FAM169A: variants seen among roughly 807,000 people sequenced by gnomAD.
FAM169A encodes soluble lamin-associated protein of 75 kDa.
A neutral mutation model predicts 75.7 loss-of-function variants in FAM169A; 24 were observed. The observed-to-expected ratio is 0.32, with a 90% CI of 0.23 to 0.45. The LOEUF is 0.45. Among genes scored for constraint, FAM169A ranks in the 20% least tolerant of loss-of-function variants. The pLI, the probability that FAM169A is intolerant of heterozygous loss-of-function variation, is 1.00. For missense variants in FAM169A, 673 were observed against 784.0 expected, an observed-to-expected ratio of 0.86 and a Z score of 1.69; for synonymous variants, 271 against 271.0, an observed-to-expected ratio of 1.00 and a Z score of 0.00.
At chr5:74,789,979 T>C (rs143876440) in intron 11 of FAM169A, among the ~76,000 whole-genome samples, 167 of 152,332 alleles carry the variant, frequency 1.1e-3, no homozygotes, top group African/African-American at 3.8e-3. Flanking sequence ...ACTGGGTGCT[T>C]TCTGACCCAT....
chr5:74,866,649 A>G (rs1750366660), upstream of FAM169A: 17 of 804,796 alleles, frequency 2.1e-5, no homozygotes, highest in African/African-American at 1.7e-4. Context: ...GCTCAGGGCA[A>G]TGGCCTGGTA....
In FAM169A at chr5:74,839,058, A is replaced by G; in HGVS notation, c.233-8T>C. 6.2e-7 allele frequency: 1 copy of G among 1,602,728 alleles called. No individual in the cohort carries two copies. Among genetic ancestry groups the G allele is most frequent in the Non-Finnish European group, 8.5e-7 (1 of 1,169,760 alleles). ...CAAGGTAAAGTGCCACAGCTAAAAT[A>G]GAATAAATAATCATTAACACTTGAG... On this transcript the variant is annotated splice_polypyrimidine_tract_variant and splice_region_variant and intron_variant, in intron 3 of 12. Coordinates refer to ENST00000687041, the MANE Select transcript of FAM169A (RefSeq NM_001376049.1).
At chr5:74,862,380 T>C (rs1750082225) in intron 1 of FAM169A, among the ~76,000 whole-genome samples, 1 of 152,210 alleles carries the variant, frequency 6.6e-6, no homozygotes, top group South Asian at 2.1e-4. Flanking sequence ...GTTATAACTC[T>C]ATGCTTTAGC....
chr5:74,864,592 C>G (rs1399248581), intron 1 of FAM169A, among the ~76,000 whole-genome samples: 1 of 152,186 alleles, frequency 6.6e-6, no homozygotes, highest in Non-Finnish European at 1.5e-5. Flanking sequence ...AAAGGTCAGA[C>G]TAATTTGAAG....
At chr5:74,811,805 C>T (rs563684601) in intron 6 of FAM169A, among the ~76,000 whole-genome samples, 3 of 152,202 alleles carry the variant, frequency 2.0e-5, no homozygotes, top group Non-Finnish European at 2.9e-5. Flanking sequence ...TGGAACTATA[C>T]GAATCCATAT....
At chr5:74,792,166 G>A (rs944210389) in intron 11 of FAM169A, among the ~76,000 whole-genome samples, 1 of 152,144 alleles carries the variant, frequency 6.6e-6, no homozygotes, top group Non-Finnish European at 1.5e-5. Context: ...ATCTCAGCAA[G>A]TGTGTATGGG....
intron 1 of FAM169A, among the ~76,000 whole-genome samples, chr5:74,852,977 C>T (rs933524074): frequency 2.6e-5 from 4 of 152,172 alleles, no homozygotes; most frequent in Admixed American, 1.3e-4. Context: ...TATCACATAA[C>T]AATACATAAT....
chr5:74,783,115 A>T lies in FAM169A; in HGVS notation c.1280T>A (p.Met427Lys). The T allele has an allele frequency of 5.0e-6, 8 of 1,612,698 alleles. No individual in the cohort carries two copies. The highest frequency in any genetic ancestry group is 6.8e-6 in the Non-Finnish European group (8 of 1,178,988). The change falls in exon 12 of 13, where the codon ATG becomes AAG. Residue 427 changes from methionine to lysine, a missense_variant. This residue lies in a region of FAM169A where 510 missense variants were observed against 550.9 expected (regional missense o/e 0.93). Coordinates refer to ENST00000687041, the MANE Select transcript of FAM169A (RefSeq NM_001376049.1). ...AGAATCGTCCATTATCTCACCATTC[A>T]TAGGCTCTAATTCAGATTCCTACAC... is the stretch of plus-strand genomic sequence containing the variant. ...DGEKESELEP[M>K]NGEIMDDSLK...
At chr5:74,791,886 G>A (rs1341531032) in intron 11 of FAM169A, among the ~76,000 whole-genome samples, 1 of 152,214 alleles carries the variant, frequency 6.6e-6, no homozygotes. Flanking sequence ...GTGACCAGCT[G>A]CAGAAACCAG....
At position 74,845,265 on chromosome 5, in the gene FAM169A, T is replaced by C. The variant is rs1420426083; in HGVS notation, c.-3-3586A>G. Among the ~76,000 whole-genome samples, 3 of 152,238 alleles carry C rather than the reference T, an allele frequency of 2.0e-5. No individual in the cohort carries two copies. The East Asian group carries it at 5.8e-4, about 29-fold the overall frequency. On this transcript the variant is annotated intron_variant, in intron 1 of 12. Coordinates refer to ENST00000687041, the MANE Select transcript of FAM169A (RefSeq NM_001376049.1). The stretch of plus-strand genomic sequence containing the variant: ...CGGGTGCGGTGGTTCACGCCTGTAA[T>C]CCCAGCACTTTGGGAGGCTGAGGTG...
chr5:74,827,695 G>A (rs1358193934), intron 5 of FAM169A, among the ~76,000 whole-genome samples: 2 of 147,352 alleles, frequency 1.4e-5, no homozygotes, highest in African/African-American at 2.5e-5. Context: ...GAGATGGAGT[G>A]TCTGTCACCC....
intron 5 of FAM169A, among the ~76,000 whole-genome samples, chr5:74,824,183 T>A (rs1479368310): frequency 6.6e-6 from 1 of 152,210 alleles, no homozygotes; most frequent in Non-Finnish European, 1.5e-5. Flanking sequence ...ATAGTAGTTG[T>A]TGACTAGATT....
intron 1 of FAM169A, among the ~76,000 whole-genome samples, chr5:74,843,614 T>C (rs965607018): frequency 1.3e-5 from 2 of 152,222 alleles, no homozygotes; most frequent in African/African-American, 4.8e-5. Context: ...CTATCTTATT[T>C]TTAAATGAGA....
chr5:74,862,371 T>TA (rs1233854427), intron 1 of FAM169A, among the ~76,000 whole-genome samples: 6 of 152,208 alleles, frequency 3.9e-5, no homozygotes, highest in African/African-American at 1.4e-4. Flanking sequence ...ACAGGACCAG[T>TA]TATAACTCTA....
Position 74,813,832 on chromosome 5 carries a change from C to T in FAM169A, c.670+8G>A. 2 of 1,524,168 alleles carry T rather than the reference C, an allele frequency of 1.3e-6. No homozygotes were observed. The highest frequency in any genetic ancestry group is 8.8e-7 in the Non-Finnish European group (1 of 1,141,800). The allele number at this position is 1,524,168 out of a possible 1,614,324, so 94.4% of individuals were successfully genotyped here. Reference sequence around the variant, plus strand: ...CAAGTTTATTATTTTTTAACTTAGTCCATTTACCTGTATACATGAGAGAAG... The same window carrying T: ...CAAGTTTATTATTTTTTAACTTAGTTCATTTACCTGTATACATGAGAGAAG... On this transcript the variant is annotated splice_region_variant and intron_variant, in intron 6 of 12. Transcript: ENST00000687041.
rs1200923070 is a variant in FAM169A, at chr5:74,778,092, G to A, written c.*3368C>T. 2.0e-5 allele frequency: 3 copies of A among 151,930 alleles called. No homozygotes were observed. The highest frequency in any genetic ancestry group is 7.2e-5 in the African/African-American group (3 of 41,418). 9.4% of individuals were successfully genotyped at this position (151,930 alleles called of 1,614,324 possible). A position where few individuals can be genotyped will look rare whatever the true frequency, so the allele number is the denominator to read the frequency against. On this transcript the variant is annotated 3_prime_UTR_variant, in exon 13 of 13. Transcript: ENST00000687041. ...AAATACTGACTCCAGGTAATTTCTG[G>A]ATACTACAAAAATGAAGTTTGCTTG...
At chr5:74,822,468 T>C (rs1405624105) in intron 5 of FAM169A, among the ~76,000 whole-genome samples, 5 of 152,180 alleles carry the variant, frequency 3.3e-5, no homozygotes, top group African/African-American at 1.2e-4. Context: ...TTTCCTCTTA[T>C]CTCTCAGCAG....
rs927085170 is a variant in FAM169A at position 74,809,786 on chromosome 5, C to T, written c.670+4054G>A. Among the ~76,000 whole-genome samples, 4 of 152,150 alleles carry T rather than the reference C, an allele frequency of 2.6e-5. No homozygotes were observed. In the East Asian group the frequency reaches 5.8e-4, roughly 22 times the overall value. On this transcript the variant is annotated intron_variant, in intron 6 of 12. Coordinates refer to ENST00000687041, the MANE Select transcript of FAM169A (RefSeq NM_001376049.1). ...ATAAATTGAAACCACATAATGAGTGCTTTCCACTTACTACTAGGAATGATT... is the reference window on the plus strand; with the variant it reads ...ATAAATTGAAACCACATAATGAGTGTTTTCCACTTACTACTAGGAATGATT...
chr5:74,791,956 T>C (rs1035887102), intron 11 of FAM169A, among the ~76,000 whole-genome samples: 30 of 152,248 alleles, frequency 2.0e-4, no homozygotes, highest in African/African-American at 7.0e-4. Flanking sequence ...TGTGCATGTA[T>C]ACATTTGTAC....
Sources: gnomAD v4.1 joint callset for allele counts (sites outside exome capture counted in the v4.1 genomes callset) on GRCh38, gnomAD v4.1.1 for gene constraint, gnomAD v4.1.1 regional missense constraint, MANE v1.5 for transcripts, NCBI Gene and HGNC (gene_info 2026-07-23, HGNC 2026-07-21) for gene names.